CTNND2: variants seen among roughly 807,000 people sequenced by gnomAD.
CTNND2 encodes the protein catenin delta-2.
A neutral mutation model predicts 144.4 loss-of-function variants in CTNND2; 22 were observed. That is an observed-to-expected ratio of 0.15 (90% CI 0.11 to 0.22). CTNND2 has a LOEUF of 0.22. Among genes scored for constraint, CTNND2 ranks in the 10% least tolerant of loss-of-function variants. The pLI, the probability that CTNND2 is intolerant of heterozygous loss-of-function variation, is 1.00. For synonymous variants in CTNND2, 751 were observed against 695.6 expected (o/e 1.08, Z -1.25); for missense variants, 1,353 against 1,618.8 (o/e 0.84, Z 2.82).
intron 2 of CTNND2, among the ~76,000 whole-genome samples, chr5:11,611,783 C>CA (rs1561619129): frequency 2.0e-5 from 3 of 152,002 alleles, no homozygotes; most frequent in Admixed American, 6.5e-5. Context: ...GACTCCATCT[C>CA]AAAAAAATAA....
chr5:11,172,314 A>C (rs72646806), intron 11 of CTNND2, among the ~76,000 whole-genome samples: 14,194 of 152,120 alleles, frequency 0.093, 946 homozygotes, highest in East Asian at 0.35. Flanking sequence ...AGGAAAAAAA[A>C]CTCTAAGTTA....
intron 1 of CTNND2, among the ~76,000 whole-genome samples, chr5:11,832,079 C>T (rs1006126515): frequency 6.6e-6 from 1 of 151,888 alleles, no homozygotes; most frequent in Non-Finnish European, 1.5e-5. Context: ...GTCAAGAGAT[C>T]GAGACCATCC....
chr5:11,317,620 T>G (rs1445145285), intron 9 of CTNND2, among the ~76,000 whole-genome samples: 1 of 152,224 alleles, frequency 6.6e-6, no homozygotes, highest in Non-Finnish European at 1.5e-5. Context: ...TTCCTTTGAG[T>G]AAAGAGAGTA....
At chr5:11,112,506 G>A (rs751040388) in intron 13 of CTNND2, among the ~76,000 whole-genome samples, 1 of 152,212 alleles carries the variant, frequency 6.6e-6, no homozygotes, top group Non-Finnish European at 1.5e-5. Flanking sequence ...ATCCCAGTGA[G>A]ACCCACTTCA....
chr5:11,632,550 A>G (rs1391091750), intron 2 of CTNND2, among the ~76,000 whole-genome samples: 1 of 152,206 alleles, frequency 6.6e-6, no homozygotes, highest in Non-Finnish European at 1.5e-5. Flanking sequence ...TGCAGCTTTC[A>G]ACCAAAAAAG....
chr5:11,133,912 G>A (rs761838919), intron 12 of CTNND2, among the ~76,000 whole-genome samples: 4 of 152,178 alleles, frequency 2.6e-5, no homozygotes, highest in Non-Finnish European at 5.9e-5. Flanking sequence ...GTGGTAGGGA[G>A]AATTCTAAAG....
chr5:11,466,031 T>C (rs1766644309), intron 3 of CTNND2, among the ~76,000 whole-genome samples: 1 of 152,146 alleles, frequency 6.6e-6, no homozygotes, highest in Non-Finnish European at 1.5e-5. Flanking sequence ...ATTGAAGAGG[T>C]GGGGTTTTCA....
At chr5:11,883,917 T>G (rs1162487739) in intron 1 of CTNND2, among the ~76,000 whole-genome samples, 1 of 152,222 alleles carries the variant, frequency 6.6e-6, no homozygotes, top group Non-Finnish European at 1.5e-5. Flanking sequence ...TGATTTGCTT[T>G]TATCTAATGA....
intron 2 of CTNND2, among the ~76,000 whole-genome samples, chr5:11,717,972 A>G (rs939506487): frequency 2.0e-5 from 3 of 152,210 alleles, no homozygotes; most frequent in Admixed American, 6.5e-5. Flanking sequence ...ATTTAAATAA[A>G]ATAGCTTTAT....
intron 3 of CTNND2, among the ~76,000 whole-genome samples, chr5:11,500,628 G>T (rs1405899163): frequency 1.3e-5 from 2 of 152,174 alleles, no homozygotes; most frequent in Non-Finnish European, 2.9e-5. Flanking sequence ...TATCTTAGCA[G>T]GGTTGCATAT....
chr5:11,282,988 A>G (rs1713576882), intron 9 of CTNND2, among the ~76,000 whole-genome samples: 1 of 152,172 alleles, frequency 6.6e-6, no homozygotes. Flanking sequence ...AAAGATTTAC[A>G]AATTAAGACC....
At chr5:11,609,535 A>T (rs963314435) in intron 2 of CTNND2, among the ~76,000 whole-genome samples, 1 of 152,170 alleles carries the variant, frequency 6.6e-6, no homozygotes, top group Admixed American at 6.5e-5. Context: ...GGAGAGAATG[A>T]TATTTCTTGA....
chr5:11,701,878 T>TA (rs1456038990), intron 2 of CTNND2, among the ~76,000 whole-genome samples: 4 of 152,070 alleles, frequency 2.6e-5, no homozygotes, highest in African/African-American at 9.7e-5. Context: ...AAAAACAAAC[T>TA]AAAAATCTCA....
intron 21 of CTNND2, among the ~76,000 whole-genome samples, chr5:10,975,774 C>A (rs1037118943): frequency 2.0e-5 from 3 of 152,202 alleles, no homozygotes; most frequent in African/African-American, 7.2e-5. Flanking sequence ...CCAGGGAAGG[C>A]AGTGCAGGGG....
rs1280182851 is a variant in CTNND2 at position 11,904,261 on chromosome 5, A to G, written c.-408T>C. Among the ~76,000 whole-genome samples, 1 of 144,452 alleles carries G rather than the reference A, an allele frequency of 6.9e-6. No individual in the cohort carries two copies. The highest frequency in any genetic ancestry group is 1.5e-5 in the Non-Finnish European group (1 of 65,290). The allele number at this position is 144,452 out of a possible 152,430, so 94.8% of individuals were successfully genotyped here. ...GGGGCCGCCGCGGCGCCCGGCGCCG[A>G]GCGCTCCCGAGCTGCGCCCCGCGCG... On this transcript the variant is annotated 5_prime_UTR_variant, in exon 1 of 22. Coordinates refer to ENST00000304623, the MANE Select transcript of CTNND2 (RefSeq NM_001332.4). The surrounding 1 kb of genome is among the most constrained non-coding windows in gnomAD (Gnocchi z 4.2).
At chr5:11,696,756 A>G (rs763653632) in intron 2 of CTNND2, among the ~76,000 whole-genome samples, 36 of 152,242 alleles carry the variant, frequency 2.4e-4, no homozygotes, top group Admixed American at 5.2e-4. Context: ...AAACCCAGAC[A>G]GTAGTCATAT....
intron 3 of CTNND2, among the ~76,000 whole-genome samples, chr5:11,446,963 C>T (rs1764862322): frequency 6.6e-6 from 1 of 152,040 alleles, no homozygotes; most frequent in Non-Finnish European, 1.5e-5. Context: ...GTCTCTTCTT[C>T]CCTATCCCCC....
At chr5:11,348,437 CAAAA>C (rs3034056) in intron 8 of CTNND2, among the ~76,000 whole-genome samples, 89 of 114,706 alleles carry the variant, frequency 7.8e-4, no homozygotes, top group East Asian at 1.8e-3. Context: ...AAATCAAGGG[CAAAA>C]AAAAAAAAAA....
chr5:11,787,869 T>C (rs1255320741), intron 1 of CTNND2, among the ~76,000 whole-genome samples: 3 of 152,222 alleles, frequency 2.0e-5, no homozygotes, highest in Non-Finnish European at 4.4e-5. Flanking sequence ...TAATGTACTT[T>C]TCCTTAGAAG....
Sources: gnomAD v4.1 joint callset for allele counts (sites outside exome capture counted in the v4.1 genomes callset) on GRCh38, gnomAD v4.1.1 for gene constraint, Gnocchi (gnomAD v3.1) non-coding constraint, MANE v1.5 for transcripts, NCBI Gene and HGNC (gene_info 2026-07-23, HGNC 2026-07-21) for gene names.